KCNJ6: variants seen among roughly 807,000 people sequenced by gnomAD.
KCNJ6 encodes G protein-activated inward rectifier potassium channel 2.
Under a neutral mutation model 34.2 loss-of-function variants are expected in KCNJ6, and 9 were observed. The ratio of observed to expected loss-of-function variants is 0.26; its 90% CI spans 0.16 to 0.46. The LOEUF (loss-of-function observed/expected upper bound fraction) is 0.46. Ranked by LOEUF, KCNJ6 falls within the 20% of genes least tolerant of loss-of-function variation. The probability of loss-of-function intolerance (pLI) is 1.00; values close to 1 mark genes in which losing one functional copy is unlikely to be tolerated. For missense variants in KCNJ6, 236 were observed against 531.3 expected (o/e 0.44, Z 5.46); for synonymous variants, 196 against 207.1 (o/e 0.95, Z 0.46).
chr21:37,901,774 A>T (rs1020998378), intron 1 of KCNJ6, among the ~76,000 whole-genome samples: 11 of 152,116 alleles, frequency 7.2e-5, no homozygotes, highest in African/African-American at 2.2e-4. Flanking sequence ...CTAGTCTTAA[A>T]CTCATTTATT....
intron 2 of KCNJ6, among the ~76,000 whole-genome samples, chr21:37,772,697 A>G (rs1314776665): frequency 6.6e-6 from 1 of 152,168 alleles, no homozygotes; most frequent in Non-Finnish European, 1.5e-5. Context: ...TCTTTCAACC[A>G]AAAATTTGAG....
At chr21:37,628,804 C>A (rs2054321733) in intron 3 of KCNJ6, among the ~76,000 whole-genome samples, 1 of 152,288 alleles carries the variant, frequency 6.6e-6, no homozygotes, top group African/African-American at 2.4e-5. Context: ...ATAAACAACT[C>A]ATTACATGCA....
chr21:37,634,446 A>G (rs1287712382), intron 3 of KCNJ6, among the ~76,000 whole-genome samples: 2 of 152,172 alleles, frequency 1.3e-5, no homozygotes, highest in African/African-American at 4.8e-5. Context: ...GAACCAAATG[A>G]ACCTCTTTTC....
chr21:37,888,479 C>A (rs2055746349), intron 1 of KCNJ6, among the ~76,000 whole-genome samples: 1 of 152,170 alleles, frequency 6.6e-6, no homozygotes, highest in African/African-American at 2.4e-5. Flanking sequence ...ACTTTGGAAC[C>A]AGGCACTAGA....
In KCNJ6 at chr21:37,611,418, A is replaced by C. The variant is rs1271408652; in HGVS notation, c.*13741T>G. 3 of 152,214 alleles carry C rather than the reference A, an allele frequency of 2.0e-5. No homozygotes were observed. Among genetic ancestry groups the C allele is most frequent in the Non-Finnish European group, 2.9e-5 (2 of 68,024 alleles). The allele number at this position is 152,214 out of a possible 1,614,324, so 9.4% of individuals were successfully genotyped here. A position where few individuals can be genotyped will look rare whatever the true frequency, so the allele number is the denominator to read the frequency against. On this transcript the variant is annotated 3_prime_UTR_variant, in exon 4 of 4. Coordinates refer to ENST00000609713, the MANE Select transcript of KCNJ6 (RefSeq NM_002240.5). ...ACTGGTGAATTCTACCAAAGACTTA[A>C]GGAAGAAATGATACTGATTATCTAC...
intron 1 of KCNJ6, among the ~76,000 whole-genome samples, chr21:37,874,669 T>C (rs891956063): frequency 6.6e-6 from 1 of 152,190 alleles, no homozygotes; most frequent in Non-Finnish European, 1.5e-5. Flanking sequence ...CACTCAGCTG[T>C]CCTCAGGGCT....
intron 2 of KCNJ6, among the ~76,000 whole-genome samples, chr21:37,786,176 C>T (rs2055191756): frequency 6.6e-6 from 1 of 152,232 alleles, no homozygotes. Flanking sequence ...CATGAAGCCT[C>T]TTTGCCCTCC....
In KCNJ6 at chr21:37,609,338, C is replaced by T. The variant is rs1181132797; in HGVS notation, c.*15821G>A. On this transcript the variant is annotated 3_prime_UTR_variant, in exon 4 of 4. Transcript: ENST00000609713. ...CCAGGTACATAGAAACATGAATGTC[C>T]ACAAACATGCAACCCCCAAACTAGA... 6.6e-6 allele frequency: 1 copy of T among 152,092 alleles called. No individual in the cohort carries two copies. Among genetic ancestry groups the T allele is most frequent in the Non-Finnish European group, 1.5e-5 (1 of 68,032 alleles). The allele number at this position is 152,092 out of a possible 1,614,324, so 9.4% of individuals were successfully genotyped here.
At chr21:37,884,857 A>G (rs1373335795) in intron 1 of KCNJ6, among the ~76,000 whole-genome samples, 1 of 152,218 alleles carries the variant, frequency 6.6e-6, no homozygotes, top group East Asian at 1.9e-4. Flanking sequence ...TCACTTCTAC[A>G]GTCAGAATAA....
intron 1 of KCNJ6, among the ~76,000 whole-genome samples, chr21:37,904,887 A>G (rs1250091893): frequency 6.6e-6 from 1 of 152,224 alleles, no homozygotes; most frequent in Non-Finnish European, 1.5e-5. Context: ...CAAATCCCCA[A>G]AAACATGCTC....
In KCNJ6 at chr21:37,715,053, TGCTTAGGCAACTTTGGCTGGTGAATG is replaced by T. The variant is rs2054782820; in HGVS notation, c.78_103del (p.Ile27GlyfsTer4). 1 of 1,614,090 alleles carries T rather than the reference TGCTTAGGCAACTTTGGCTGGTGAATG, an allele frequency of 6.2e-7. No homozygotes were observed. On this transcript the variant is annotated frameshift_variant, in exon 3 of 4. Transcript: ENST00000609713. LOFTEE classifies it high-confidence loss of function. ...GTGTCTTGGCAGGTCATCCCTGGCC[TGCTTAGGCAACTTTGGCTGGTGAATG>T]GCCACTGGGCTTTCGACGTCCTGAT... is the stretch of plus-strand genomic sequence containing the variant.
intron 2 of KCNJ6, among the ~76,000 whole-genome samples, chr21:37,715,335 G>T (rs1207004080): frequency 6.6e-6 from 1 of 152,204 alleles, no homozygotes; most frequent in African/African-American, 2.4e-5. Context: ...TCTAGTTTGT[G>T]TAAGTACTTC....
intron 3 of KCNJ6, among the ~76,000 whole-genome samples, chr21:37,626,199 C>A (rs775067174): frequency 6.7e-6 from 1 of 150,288 alleles, no homozygotes; most frequent in Non-Finnish European, 1.5e-5. Context: ...GGTGCGATCT[C>A]GGCTCACTGC....
chr21:37,627,164 G>A (rs761197165), intron 3 of KCNJ6, among the ~76,000 whole-genome samples: 11 of 152,178 alleles, frequency 7.2e-5, no homozygotes, highest in African/African-American at 2.2e-4. Context: ...AGAAACTGGG[G>A]TGCCAGGGAC....
At chr21:37,635,609 C>A in intron 3 of KCNJ6, among the ~76,000 whole-genome samples, 1 of 152,044 alleles carries the variant, frequency 6.6e-6, no homozygotes, top group South Asian at 2.1e-4. Flanking sequence ...CTCAACCTCC[C>A]CAGGCTTAGG....
At chr21:37,750,106 C>T (rs1048397660) in intron 2 of KCNJ6, among the ~76,000 whole-genome samples, 1 of 152,088 alleles carries the variant, frequency 6.6e-6, no homozygotes, top group African/African-American at 2.4e-5. Context: ...GACATTTATG[C>T]AGCCAACAAA....
chr21:37,825,533 C>A (rs868442269), intron 2 of KCNJ6, among the ~76,000 whole-genome samples: 31 of 152,182 alleles, frequency 2.0e-4, no homozygotes, highest in Admixed American at 1.4e-3. Context: ...CATTCCTAGA[C>A]TTTCTCTTAC....
intron 2 of KCNJ6, among the ~76,000 whole-genome samples, chr21:37,840,168 A>G (rs2055473285): frequency 1.3e-5 from 2 of 152,230 alleles, no homozygotes; most frequent in South Asian, 2.1e-4. Flanking sequence ...GCTATGTTCA[A>G]AACCTAAATC....
chr21:37,856,933 T>C (rs1405306615), intron 1 of KCNJ6, among the ~76,000 whole-genome samples: 1 of 152,172 alleles, frequency 6.6e-6, no homozygotes, highest in African/African-American at 2.4e-5. Context: ...GGCCATGCTC[T>C]GGTAGGAGTA....
Sources: gnomAD v4.1 joint callset for allele counts (sites outside exome capture counted in the v4.1 genomes callset) on GRCh38, gnomAD v4.1.1 for gene constraint, MANE v1.5 for transcripts, NCBI Gene and HGNC (gene_info 2026-07-23, HGNC 2026-07-21) for gene names.